MEIS2: variants seen among roughly 807,000 people sequenced by gnomAD.
The protein encoded by MEIS2 is Meis homeobox 2.
MEIS2 carries 9 observed loss-of-function variants against 58.6 expected under a neutral mutation model. That is an observed-to-expected ratio of 0.15 (90% CI 0.09 to 0.27). The LOEUF (loss-of-function observed/expected upper bound fraction) is 0.27, where lower values mean the gene tolerates loss of function less well. MEIS2 is among the 10% of genes least tolerant of loss of function. The pLI, the probability that MEIS2 is intolerant of heterozygous loss-of-function variation, is 1.00. For missense variants in MEIS2, 427 were observed against 635.0 expected, an observed-to-expected ratio of 0.67 and a Z score of 3.52; for synonymous variants, 221 against 228.4, an observed-to-expected ratio of 0.97 and a Z score of 0.29.
At chr15:37,085,999 C>A (rs957579040) in intron 6 of MEIS2, among the ~76,000 whole-genome samples, 6 of 152,230 alleles carry the variant, frequency 3.9e-5, no homozygotes, top group African/African-American at 1.4e-4. Flanking sequence ...TTTAGTCCTG[C>A]GACAACACAG....
At chr15:37,017,991 C>G (rs1266424002) in intron 8 of MEIS2, among the ~76,000 whole-genome samples, 1 of 152,158 alleles carries the variant, frequency 6.6e-6, no homozygotes, top group Non-Finnish European at 1.5e-5. Flanking sequence ...TTAATGCAGG[C>G]AATGTGGTAA....
chr15:36,987,652 C>T lies in MEIS2; in HGVS notation c.901-37252G>A, dbSNP rs538371988. Among the ~76,000 whole-genome samples the T allele has an allele frequency of 2.6e-5, 4 of 152,204 alleles. No homozygotes were observed. In the South Asian group the frequency reaches 8.3e-4, roughly 32 times the overall value. The stretch of plus-strand genomic sequence containing the variant: ...AAATGAGACCAACTCTATCATAAGA[C>T]ACTTAATAACATCATAACACTTTGA... On this transcript the variant is annotated intron_variant, in intron 8 of 11. Transcript: ENST00000561208.
intron 8 of MEIS2, among the ~76,000 whole-genome samples, chr15:36,995,995 A>ATG (rs2060497411): frequency 3.9e-4 from 20 of 51,240 alleles, no homozygotes; most frequent in South Asian, 2.5e-3. Context: ...ATATATATAT[A>ATG]TATATATGTA....
chr15:36,896,525 C>G, intron 10 of MEIS2, 103 bp downstream of exon 10: 1 of 877,480 alleles, frequency 1.1e-6, no homozygotes, highest in Non-Finnish European at 1.7e-6. Context: ...ATCCAGAATG[C>G]CTGGTGGAAG....
chr15:37,081,340 G>A (rs946365801), intron 7 of MEIS2, among the ~76,000 whole-genome samples: 2 of 152,042 alleles, frequency 1.3e-5, no homozygotes, highest in African/African-American at 2.4e-5. Flanking sequence ...TCTCTCCCAC[G>A]TTTTCCATTA....
chr15:37,024,289 C>A (rs1189810535), intron 8 of MEIS2, among the ~76,000 whole-genome samples: 1 of 152,134 alleles, frequency 6.6e-6, no homozygotes, highest in African/African-American at 2.4e-5. Context: ...GGTCTGATGT[C>A]TTTATCTCTG....
At chr15:37,052,085 A>G (rs1186858293) in intron 7 of MEIS2, among the ~76,000 whole-genome samples, 3 of 152,234 alleles carry the variant, frequency 2.0e-5, no homozygotes, top group African/African-American at 4.8e-5. Flanking sequence ...CCTTCTAAGT[A>G]AAATATCTCA....
At chr15:37,009,305 T>TA (rs939222339) in intron 8 of MEIS2, among the ~76,000 whole-genome samples, 12 of 151,348 alleles carry the variant, frequency 7.9e-5, no homozygotes, top group Middle Eastern at 3.4e-3. Context: ...AAATAAAAAA[T>TA]AAAAAAAAAT....
chr15:36,999,176 G>T (rs955817797), intron 8 of MEIS2, among the ~76,000 whole-genome samples: 3 of 151,996 alleles, frequency 2.0e-5, no homozygotes, highest in African/African-American at 7.3e-5. Flanking sequence ...AACTCTCACT[G>T]GCCAGTAATT....
chr15:37,060,667 G>A (rs1048896035), intron 7 of MEIS2, among the ~76,000 whole-genome samples: 2 of 152,126 alleles, frequency 1.3e-5, no homozygotes, highest in East Asian at 3.9e-4. Context: ...GACTGGGTGG[G>A]ACCCAGCTAA....
chr15:37,054,005 G>T lies in MEIS2; in HGVS notation c.755-17046C>A, dbSNP rs147477541. On this transcript the variant is annotated intron_variant, in intron 7 of 11. Coordinates refer to ENST00000561208, the MANE Select transcript of MEIS2 (RefSeq NM_170675.5). The stretch of plus-strand genomic sequence containing the variant: ...GTTATCCGCATTTAACAGATAAAGC[G>T]AGTGAGGTCAAAGTTTTCCTAACTT... 5.5e-3 allele frequency among the ~76,000 whole-genome samples: 830 copies of T among 152,268 alleles called. 17 individuals carry two copies. Among genetic ancestry groups the T allele is most frequent in the Non-Finnish European group, 4.5e-3 (305 of 68,028 alleles).
Position 37,099,456 on chromosome 15 carries a change from C to A in MEIS2, c.11G>T (p.Arg4Met), listed in dbSNP as rs1381339489. ...TAAGTGTTGGAGATTTAAACCTACC[C>A]TTTGCGCCATCAGTCTGCGCTCCAA... MAQRYDELPHYGGM... is the reference protein window; with the variant it reads MAQMYDELPHYGGM... The change falls in exon 1 of 12, where the codon AGG becomes ATG. Residue 4 changes from arginine (R) to methionine (M), a missense_variant and splice_region_variant. Coordinates refer to ENST00000561208, the MANE Select transcript of MEIS2 (RefSeq NM_170675.5). The A allele has an allele frequency of 6.2e-7, 1 of 1,614,054 alleles. No individual in the cohort carries two copies. The highest frequency in any genetic ancestry group is 1.1e-5 in the South Asian group (1 of 91,070).
At chr15:37,097,009 A>C (rs1318114308) in intron 2 of MEIS2, among the ~76,000 whole-genome samples, 1 of 152,204 alleles carries the variant, frequency 6.6e-6, no homozygotes, top group Non-Finnish European at 1.5e-5. Flanking sequence ...GTTCTACTAA[A>C]GCCACAGTGT....
At chr15:36,952,631 G>C (rs1329198506) in intron 8 of MEIS2, among the ~76,000 whole-genome samples, 4 of 151,564 alleles carry the variant, frequency 2.6e-5, no homozygotes, top group Admixed American at 6.6e-5. Context: ...GTGTGTGTGT[G>C]TGTGTGTGTG....
intron 10 of MEIS2, 31 bp from the exon 11 acceptor site, chr15:36,895,292 GA>G: frequency 6.3e-7 from 1 of 1,580,614 alleles, no homozygotes; most frequent in South Asian, 1.1e-5. Flanking sequence ...ACACAGAGGA[GA>G]AAGAAGAAAA....
At chr15:36,953,388 T>A (rs963284190) in intron 8 of MEIS2, among the ~76,000 whole-genome samples, 10 of 152,216 alleles carry the variant, frequency 6.6e-5, no homozygotes, top group African/African-American at 2.4e-4. Flanking sequence ...AACTTTGGTA[T>A]GCTTGCACTT....
At chr15:37,050,324 T>C (rs2062861694) in intron 7 of MEIS2, among the ~76,000 whole-genome samples, 1 of 152,226 alleles carries the variant, frequency 6.6e-6, no homozygotes, top group African/African-American at 2.4e-5. Context: ...GTATAGTTTG[T>C]GCCTAGGCTT....
chr15:37,098,188 C>A lies in MEIS2; in HGVS notation c.24G>T (p.Leu8=), dbSNP rs369672617. 74 of 1,602,048 alleles carry A rather than the reference C, an allele frequency of 4.6e-5. No homozygotes were observed. In the African/African-American group the frequency reaches 6.2e-4, roughly 13 times the overall value. MAQRYDE[L]PHYGGMDGVG... is the part of the protein sequence containing the mutation. ...CTCCGTCCATCCCGCCGTAATGGGGCAGCTCATCGTACTGTCAGAACCCGG... is the reference window on the plus strand; with the variant it reads ...CTCCGTCCATCCCGCCGTAATGGGGAAGCTCATCGTACTGTCAGAACCCGG... Residue 8 remains leucine (L), a synonymous_variant, in exon 2 of 12, where the codon CTG becomes CTT. Coordinates refer to ENST00000561208, the MANE Select transcript of MEIS2 (RefSeq NM_170675.5).
intron 7 of MEIS2, among the ~76,000 whole-genome samples, chr15:37,043,728 G>GC (rs2062541011): frequency 8.4e-6 from 1 of 119,274 alleles, no homozygotes; most frequent in Non-Finnish European, 1.6e-5. Context: ...TAGCTCTGTT[G>GC]CCGGGCTGGA....
Sources: gnomAD v4.1 joint callset for allele counts (sites outside exome capture counted in the v4.1 genomes callset) on GRCh38, gnomAD v4.1.1 for gene constraint, MANE v1.5 for transcripts, NCBI Gene and HGNC (gene_info 2026-07-23, HGNC 2026-07-21) for gene names.